SPATA16: variants seen among roughly 807,000 people sequenced by gnomAD.
SPATA16 encodes spermatogenesis-associated protein 16.
A neutral mutation model predicts 63.3 loss-of-function variants in SPATA16; 36 were observed. The observed-to-expected ratio is 0.57, with a 90% confidence interval of 0.44 to 0.75. SPATA16 has a LOEUF of 0.75. Among genes scored for constraint, SPATA16 ranks in the 30% least tolerant of loss-of-function variants. SPATA16 has a pLI of 0.00. For missense variants in SPATA16, 646 were observed against 679.3 expected (o/e 0.95, Z 0.54); for synonymous variants, 203 against 216.7 (o/e 0.94, Z 0.56).
chr3:172,950,839 A>G (rs979831678), intron 6 of SPATA16, among the ~76,000 whole-genome samples: 4 of 152,126 alleles, frequency 2.6e-5, no homozygotes, highest in Non-Finnish European at 5.9e-5. Flanking sequence ...TGTTAAAGTA[A>G]TTGATATCTG....
At chr3:172,909,837 G>A (rs1409086196) in intron 10 of SPATA16, among the ~76,000 whole-genome samples, 2 of 152,126 alleles carry the variant, frequency 1.3e-5, no homozygotes, top group Non-Finnish European at 2.9e-5. Context: ...TCGCAAAATA[G>A]TGGCAAATCC....
At chr3:173,138,237 T>G (rs1429818405) in intron 1 of SPATA16, among the ~76,000 whole-genome samples, 2 of 152,146 alleles carry the variant, frequency 1.3e-5, no homozygotes, top group African/African-American at 4.8e-5. Context: ...GAAGCATTCA[T>G]GCATGTGAAA....
At chr3:172,967,230 G>A (rs1297166929) in intron 5 of SPATA16, among the ~76,000 whole-genome samples, 1 of 152,174 alleles carries the variant, frequency 6.6e-6, no homozygotes, top group Admixed American at 6.5e-5. Context: ...AAATTTGGAG[G>A]TTAGTTTTTT....
rs147133730 is a variant in SPATA16, at chr3:172,990,906, C to T, written c.849-13854G>A. On this transcript the variant is annotated intron_variant, in intron 4 of 10. Transcript: ENST00000351008. ...AATCATCTAGTCCAAAAATCTTGGT[C>T]AAACCATGCTTGACTAGCAATAAAA... 2.1e-3 allele frequency among the ~76,000 whole-genome samples: 325 copies of T among 152,132 alleles called. 5 individuals carry two copies. Among genetic ancestry groups the T allele is most frequent in the African/African-American group, 7.4e-3 (308 of 41,508 alleles).
intron 2 of SPATA16, among the ~76,000 whole-genome samples, chr3:173,089,428 G>T (rs1195479694): frequency 1.3e-5 from 2 of 152,196 alleles, no homozygotes; most frequent in African/African-American, 2.4e-5. Flanking sequence ...GAAACTTCAG[G>T]AAATAACTGG....
chr3:173,133,359 G>A (rs145129022), intron 1 of SPATA16, among the ~76,000 whole-genome samples: 2 of 152,340 alleles, frequency 1.3e-5, no homozygotes, highest in African/African-American at 2.4e-5. Context: ...GTTTCTGTTT[G>A]TAGGGGTCTA....
intron 6 of SPATA16, among the ~76,000 whole-genome samples, chr3:172,947,344 G>A (rs9821014): frequency 0.088 from 13,319 of 151,952 alleles, 1,952 homozygotes; most frequent in African/African-American, 0.3. Context: ...TACAAACATC[G>A]AGAACATCCA....
chr3:172,920,804 T>C (rs1248044336), intron 8 of SPATA16, among the ~76,000 whole-genome samples: 3 of 152,212 alleles, frequency 2.0e-5, no homozygotes. Flanking sequence ...TATTTATCAT[T>C]ATTTATGTGA....
chr3:173,106,790 C>T (rs1208387133), intron 2 of SPATA16, among the ~76,000 whole-genome samples: 3 of 152,140 alleles, frequency 2.0e-5, no homozygotes, highest in African/African-American at 4.8e-5. Flanking sequence ...TACTCATCTT[C>T]CTTCCCCTCT....
intron 6 of SPATA16, among the ~76,000 whole-genome samples, chr3:172,934,174 T>C (rs1440684849): frequency 6.6e-6 from 1 of 152,170 alleles, no homozygotes; most frequent in Non-Finnish European, 1.5e-5. Context: ...AGAAAATGAC[T>C]TGTGGGTAGT....
intron 2 of SPATA16, among the ~76,000 whole-genome samples, chr3:173,057,856 G>A (rs1736275818): frequency 1.3e-5 from 2 of 151,930 alleles, no homozygotes; most frequent in African/African-American, 4.8e-5. Flanking sequence ...TTTTTACTTC[G>A]TTTTTCCTAG....
At chr3:172,935,634 G>A (rs2109592886) in intron 6 of SPATA16, among the ~76,000 whole-genome samples, 1 of 152,252 alleles carries the variant, frequency 6.6e-6, no homozygotes, top group African/African-American at 2.4e-5. Flanking sequence ...TAGTACATAA[G>A]TACACAGTCA....
intron 10 of SPATA16, among the ~76,000 whole-genome samples, chr3:172,893,038 G>A (rs1731927363): frequency 6.6e-6 from 1 of 152,176 alleles, no homozygotes. Context: ...CCCATCATAT[G>A]ACTGTTGGTC....
intron 10 of SPATA16, among the ~76,000 whole-genome samples, chr3:172,903,927 C>G (rs1390207701): frequency 2.0e-5 from 3 of 152,200 alleles, no homozygotes; most frequent in Non-Finnish European, 2.9e-5. Flanking sequence ...CTTACAGAAT[C>G]TGAACTTAGG....
intron 10 of SPATA16, among the ~76,000 whole-genome samples, chr3:172,893,427 AG>A (rs573082255): frequency 1.3e-3 from 195 of 152,340 alleles, no homozygotes; most frequent in African/African-American, 4.5e-3. Context: ...GGGGAGAGGC[AG>A]GGAACAGTTT....
chr3:172,983,088 A>T (rs16846361), intron 4 of SPATA16, among the ~76,000 whole-genome samples: 4,716 of 152,228 alleles, frequency 0.031, 212 homozygotes, highest in African/African-American at 0.11. Context: ...CGTTTTAAAG[A>T]CCTCCACAGA....
At chr3:173,028,734 T>G (rs962805349) in intron 3 of SPATA16, among the ~76,000 whole-genome samples, 4 of 152,078 alleles carry the variant, frequency 2.6e-5, no homozygotes, top group Non-Finnish European at 5.9e-5. Flanking sequence ...CATAAAATTT[T>G]GTGCTAAATC....
At chr3:172,935,176 G>A (rs1191888511) in intron 6 of SPATA16, among the ~76,000 whole-genome samples, 1 of 152,184 alleles carries the variant, frequency 6.6e-6, no homozygotes, top group Non-Finnish European at 1.5e-5. Flanking sequence ...AAACGTGTAA[G>A]ATTTAAAGCT....
chr3:172,891,920 G>A (rs1357130737), intron 10 of SPATA16, among the ~76,000 whole-genome samples: 1 of 152,080 alleles, frequency 6.6e-6, no homozygotes, highest in Non-Finnish European at 1.5e-5. Context: ...TGTTTATAAT[G>A]ATTTATATAA....
Sources: allele counts gnomAD v4.1 joint callset (sites outside exome capture counted in the v4.1 genomes callset), GRCh38; gene constraint gnomAD v4.1.1; transcripts MANE v1.5; gene names NCBI Gene and HGNC (gene_info 2026-07-23, HGNC 2026-07-21).